Variants in CCNK observed in about 807,000 individuals in gnomAD.
CCNK encodes cyclin K.
A neutral mutation model predicts 65.0 loss-of-function variants in CCNK; 9 were observed. The ratio of observed to expected loss-of-function variants is 0.14; its 90% CI spans 0.08 to 0.24. CCNK has a LOEUF of 0.24. Ranked by LOEUF, CCNK falls within the 10% of genes least tolerant of loss-of-function variation. The pLI, the probability that CCNK is intolerant of heterozygous loss-of-function variation, is 1.00. For synonymous variants in CCNK, 279 were observed against 270.8 expected, an observed-to-expected ratio of 1.03 and a Z score of -0.30; for missense variants, 474 against 720.0, an observed-to-expected ratio of 0.66 and a Z score of 3.91.
At chr14:99,501,616 G>A (rs1896833186) in intron 6 of CCNK, 1 of 543,248 alleles carries the variant, frequency 1.8e-6, no homozygotes, top group Non-Finnish European at 3.2e-6. Context: ...CCGTGTCATG[G>A]TGTTGTGAGG....
intron 10 of CCNK, chr14:99,508,724 C>T (rs1191783062): frequency 6.6e-6 from 1 of 152,416 alleles, no homozygotes; most frequent in Non-Finnish European, 1.5e-5. Context: ...GAGACCCCCA[C>T]TTGCTGTTCC....
Position 99,502,848 on chromosome 14 carries a change from A to G in CCNK, c.875A>G (p.Gln292Arg). The change falls in exon 8 of 11, where the codon CAG (glutamine) becomes CGG (arginine). Residue 292 changes from glutamine (Q) to arginine (R), a missense_variant. Gln to Arg is a conservative substitution (Grantham distance 43). This residue lies in a region of CCNK where 229 missense variants were observed against 275.5 expected (regional missense o/e 0.83). Transcript: ENST00000389879. Reference protein sequence around the residue: ...TPQVPQVQQSQPSQSSEPSQP... With the variant: ...TPQVPQVQQSRPSQSSEPSQP... The stretch of plus-strand genomic sequence containing the variant: ...CAAGTGCCGCAAGTACAGCAGTCAC[A>G]GCCGTCTCAAAGCTCCGAACCATCC... The G allele has an allele frequency of 1.2e-6, 2 of 1,613,542 alleles. No homozygotes were observed. The highest frequency in any genetic ancestry group is 1.7e-6 in the Non-Finnish European group (2 of 1,179,658).
chr14:99,487,280 T>C (rs761203889), intron 1 of CCNK, among the ~76,000 whole-genome samples: 4 of 152,228 alleles, frequency 2.6e-5, no homozygotes, highest in Non-Finnish European at 5.9e-5. Context: ...AGGATATAAC[T>C]GTACTGTACA....
chr14:99,494,910 G>A (rs1896669151), intron 3 of CCNK: 1 of 152,210 alleles, frequency 6.6e-6, no homozygotes, highest in Non-Finnish European at 1.5e-5. Context: ...AGCCCCTTGG[G>A]CCTCTTTTAT....
intron 1 of CCNK, among the ~76,000 whole-genome samples, chr14:99,482,042 G>A (rs1194971897): frequency 1.3e-5 from 2 of 152,190 alleles, no homozygotes; most frequent in East Asian, 3.9e-4. Context: ...GGTTGATTTG[G>A]TTTGTTATGA....
At chr14:99,482,695 T>C (rs3918041) in intron 1 of CCNK, among the ~76,000 whole-genome samples, 3,806 of 152,322 alleles carry the variant, frequency 0.025, 161 homozygotes, top group African/African-American at 0.086. Context: ...ATTTTGAAAA[T>C]GTAGTTTGCA....
At chr14:99,483,514 C>T (rs1896407864) in intron 1 of CCNK, among the ~76,000 whole-genome samples, 3 of 152,160 alleles carry the variant, frequency 2.0e-5, no homozygotes, top group Non-Finnish European at 4.4e-5. Context: ...CGGGTGACTG[C>T]GCTCCAGCCT....
chr14:99,481,468 C>T lies in CCNK; in HGVS notation c.-64C>T, dbSNP rs1896315505. 8 of 398,708 alleles carry T rather than the reference C, an allele frequency of 2.0e-5. No individual in the cohort carries two copies. The Admixed American group carries it at 3.5e-4, about 18-fold the overall frequency. 24.7% of individuals were successfully genotyped at this position (398,708 alleles called of 1,614,324 possible). A position where few individuals can be genotyped will look rare whatever the true frequency, so the allele number is the denominator to read the frequency against. Reference sequence around the variant, plus strand: ...GGAGAGACGTCGCTGAGGGGCTTGCCTGAAGCGAGGGGTGAGTGACCCACC... The same window carrying T: ...GGAGAGACGTCGCTGAGGGGCTTGCTTGAAGCGAGGGGTGAGTGACCCACC... On this transcript the variant is annotated 5_prime_UTR_variant, in exon 1 of 11. Transcript: ENST00000389879.
At chr14:99,499,821 T>C (rs1043991229) in intron 4 of CCNK, among the ~76,000 whole-genome samples, 14 of 152,320 alleles carry the variant, frequency 9.2e-5, no homozygotes, top group Admixed American at 7.2e-4. Flanking sequence ...TGAAAAGATA[T>C]TAATAAATTT....
At position 99,510,598 on chromosome 14, in the gene CCNK, C is replaced by A; in HGVS notation, c.1559C>A (p.Pro520Gln). 1.4e-6 allele frequency: 1 copy of A among 726,578 alleles called. No homozygotes were observed. The highest frequency in any genetic ancestry group is 2.1e-6 in the Non-Finnish European group (1 of 484,090). The allele number at this position is 726,578 out of a possible 1,614,324, so 45.0% of individuals were successfully genotyped here. A position where few individuals can be genotyped will look rare whatever the true frequency, so the allele number is the denominator to read the frequency against. Residue 520 changes from proline to glutamine, a missense_variant, in exon 11 of 11, where the codon CCA (proline) becomes CAA (glutamine). By Grantham distance (76) the Pro-to-Gln change is moderately conservative. Transcript: ENST00000389879. ...ACCTACAACCCCAACTTCCCACCCC[C>A]ACCCCCACGCCTCCCGCCTACCCAC... ...PPTYNPNFPP[P>Q]PPRLPPTHAV...
intron 1 of CCNK, among the ~76,000 whole-genome samples, chr14:99,487,982 A>G (rs537711053): frequency 3.9e-5 from 6 of 152,272 alleles, no homozygotes; most frequent in South Asian, 4.1e-4. Flanking sequence ...TTTTTATTGT[A>G]TGAAAGAATA....
Position 99,482,171 on chromosome 14 carries a change from C to T in CCNK, c.-53+692C>T, listed in dbSNP as rs116133461. Among the ~76,000 whole-genome samples the T allele has an allele frequency of 5.4e-3, 830 of 152,314 alleles. 9 individuals are homozygous for T. Among genetic ancestry groups the T allele is most frequent in the African/African-American group, 0.019 (794 of 41,564 alleles). ...CCCTAAATTTAGACTGCCAGTTAAA[C>T]GGAGCTTTCGCTAAGTCATCTGAGG... On this transcript the variant is annotated intron_variant, in intron 1 of 10. Coordinates refer to ENST00000389879, the MANE Select transcript of CCNK (RefSeq NM_001099402.2).
intron 1 of CCNK, 130 bp downstream of exon 1, chr14:99,481,609 C>G (rs371384996): frequency 2.5e-6 from 1 of 394,896 alleles, no homozygotes; most frequent in Non-Finnish European, 4.5e-6. Context: ...CCTCCGCTAA[C>G]CTCCGGTACA....
chr14:99,481,473 G>C lies in CCNK; in HGVS notation c.-59G>C, dbSNP rs1595298670. On this transcript the variant is annotated 5_prime_UTR_variant, in exon 1 of 11. Transcript: ENST00000389879. ...GACGTCGCTGAGGGGCTTGCCTGAA[G>C]CGAGGGGTGAGTGACCCACCGACTG... 1 of 398,724 alleles carries C rather than the reference G, an allele frequency of 2.5e-6. No homozygotes were observed. Among genetic ancestry groups the C allele is most frequent in the East Asian group, 3.6e-5 (1 of 28,072 alleles). The allele number at this position is 398,724 out of a possible 1,614,324, so 24.7% of individuals were successfully genotyped here.
At chr14:99,496,383 C>G (rs559324182) in intron 4 of CCNK, among the ~76,000 whole-genome samples, 1 of 152,276 alleles carries the variant, frequency 6.6e-6, no homozygotes, top group South Asian at 2.1e-4. Context: ...CAAGACCAGC[C>G]TAGCCAACAT....
rs1328333241 is a variant in CCNK, at chr14:99,511,652, A to T, written c.*870A>T. 5.2e-5 allele frequency: 8 copies of T among 152,496 alleles called. No individual in the cohort carries two copies. The highest frequency in any genetic ancestry group is 5.2e-4 in the Admixed American group (8 of 15,302). 9.4% of individuals were successfully genotyped at this position (152,496 alleles called of 1,614,324 possible). A position where few individuals can be genotyped will look rare whatever the true frequency, so the allele number is the denominator to read the frequency against. On this transcript the variant is annotated 3_prime_UTR_variant, in exon 11 of 11. Coordinates refer to ENST00000389879, the MANE Select transcript of CCNK (RefSeq NM_001099402.2). ...CTGCAGCTCACAGCAGCCACAGCCAACCCCACTGCCTCCCAAGGCACTCTG... is the reference window on the plus strand; with the variant it reads ...CTGCAGCTCACAGCAGCCACAGCCATCCCCACTGCCTCCCAAGGCACTCTG...
Position 99,492,609 on chromosome 14 carries a change from T to C in CCNK, c.-52-17T>C. ...ATGGAGTATTCCTTTCCAACTTTGT[T>C]TTTCTCTTTCTCATAGGATTCTAAC... On this transcript the variant is annotated splice_polypyrimidine_tract_variant and intron_variant, in intron 1 of 10. Transcript: ENST00000389879. 7.3e-7 allele frequency: 1 copy of C among 1,369,694 alleles called. No individual in the cohort carries two copies. Among genetic ancestry groups the C allele is most frequent in the Non-Finnish European group, 1.0e-6 (1 of 1,001,450 alleles). The allele number at this position is 1,369,694 out of a possible 1,614,324, so 84.8% of individuals were successfully genotyped here.
chr14:99,488,642 T>C (rs1595305345), intron 1 of CCNK, among the ~76,000 whole-genome samples: 1 of 152,354 alleles, frequency 6.6e-6, no homozygotes, highest in Non-Finnish European at 1.5e-5. Flanking sequence ...ACCCTATTAG[T>C]GATGTCAAGT....
At chr14:99,496,459 C>G (rs551867156) in intron 4 of CCNK, among the ~76,000 whole-genome samples, 1 of 152,258 alleles carries the variant, frequency 6.6e-6, no homozygotes, top group Non-Finnish European at 1.5e-5. Flanking sequence ...GCCTGTAATC[C>G]CAGCACTTTG....
Sources: gnomAD v4.1 joint callset for allele counts (sites outside exome capture counted in the v4.1 genomes callset) on GRCh38, gnomAD v4.1.1 for gene constraint, gnomAD v4.1.1 regional missense constraint, MANE v1.5 for transcripts, NCBI Gene and HGNC (gene_info 2026-07-23, HGNC 2026-07-21) for gene names.